WASF3: variants seen among roughly 807,000 people sequenced by gnomAD.
WASF3 encodes actin-binding protein WASF3.
Under a neutral mutation model 46.6 loss-of-function variants are expected in WASF3, and 11 were observed. The ratio of observed to expected loss-of-function variants is 0.24; its 90% CI spans 0.15 to 0.39. The LOEUF (loss-of-function observed/expected upper bound fraction) is 0.39, where lower values mean the gene tolerates loss of function less well. WASF3 is among the 10% of genes least tolerant of loss of function. The probability of loss-of-function intolerance (pLI) is 1.00; values close to 1 mark genes in which losing one functional copy is unlikely to be tolerated. For synonymous variants in WASF3, 242 were observed against 259.7 expected, an observed-to-expected ratio of 0.93 and a Z score of 0.65; for missense variants, 576 against 669.8, an observed-to-expected ratio of 0.86 and a Z score of 1.55.
At chr13:26,675,787 T>G (rs1417550130) in intron 6 of WASF3, among the ~76,000 whole-genome samples, 1 of 152,070 alleles carries the variant, frequency 6.6e-6, no homozygotes, top group Non-Finnish European at 1.5e-5. Context: ...TGAGTGTGTA[T>G]TCTGTGTAAA....
rs552144232 is a variant in WASF3 at position 26,578,259 on chromosome 13, T to C, written c.-109+20440T>C. Among the ~76,000 whole-genome samples the C allele has an allele frequency of 2.0e-5, 3 of 152,180 alleles. No homozygotes were observed. The South Asian group carries it at 6.2e-4, about 32-fold the overall frequency. On this transcript the variant is annotated intron_variant, in intron 1 of 9. Transcript: ENST00000335327. ...AGTCCTTCAACATTAAGTGTGATTT[T>C]AGTTGTTTTCTTGTAGACGACTTAC... is the stretch of plus-strand genomic sequence containing the variant.
At chr13:26,604,831 T>G (rs1566048256) in intron 1 of WASF3, among the ~76,000 whole-genome samples, 1 of 152,188 alleles carries the variant, frequency 6.6e-6, no homozygotes, top group Admixed American at 6.5e-5. Flanking sequence ...AGCCACTGTT[T>G]TTGTAATCTT....
At chr13:26,554,045 TTCCTTCC>T (rs1566032364), upstream of WASF3, among the ~76,000 whole-genome samples, 98 of 49,378 alleles carry the variant, frequency 2.0e-3, 3 homozygotes, top group African/African-American at 5.9e-3. Flanking sequence ...CTTTCTTTCC[TTCCTTCC>T]TTCCTTCCTT....
In WASF3 at chr13:26,583,076, T is replaced by C. The variant is rs1477983223; in HGVS notation, c.-109+25257T>C. Among the ~76,000 whole-genome samples, 3 of 152,346 alleles carry C rather than the reference T, an allele frequency of 2.0e-5. No homozygotes were observed. In the South Asian group the frequency reaches 6.2e-4, roughly 32 times the overall value. On this transcript the variant is annotated intron_variant, in intron 1 of 9. Transcript: ENST00000335327. ...GAAGCCTAGGGTCTTAGTGGAAAGA[T>C]AGCAATAGCCATGGTAAAGCAGTTT...
chr13:26,557,427 C>T (rs1174117753), upstream of WASF3, among the ~76,000 whole-genome samples: 1 of 152,218 alleles, frequency 6.6e-6, no homozygotes, highest in African/African-American at 2.4e-5. Flanking sequence ...ATCCCCACCT[C>T]TCCTCGCTGG....
At chr13:26,591,002 AAGG>A (rs1287632223) in intron 1 of WASF3, among the ~76,000 whole-genome samples, 6 of 152,070 alleles carry the variant, frequency 3.9e-5, no homozygotes, top group African/African-American at 1.4e-4. Context: ...CAGAGATTTG[AAGG>A]AGGTGTGAGG....
At chr13:26,552,909 T>C (rs187334992), upstream of WASF3, among the ~76,000 whole-genome samples, 1 of 152,336 alleles carries the variant, frequency 6.6e-6, no homozygotes, top group Admixed American at 6.5e-5. Flanking sequence ...ATTTATTAAG[T>C]GTCTTGAGAA....
At chr13:26,577,297 G>C (rs1184885294) in intron 1 of WASF3, 1 of 746,824 alleles carries the variant, frequency 1.3e-6, no homozygotes, top group African/African-American at 1.7e-5. Context: ...TGTCTGTTCT[G>C]TGTTGGTTTT....
At chr13:26,545,051 G>T in the WASF3 span, among the ~76,000 whole-genome samples, 2 of 152,216 alleles carry the variant, frequency 1.3e-5, no homozygotes, top group Non-Finnish European at 2.9e-5. Context: ...CATGCTGAAG[G>T]CACTGGGCAT....
Position 26,665,093 on chromosome 13 carries a change from A to G in WASF3, c.199A>G (p.Asn67Asp). 1 of 1,614,178 alleles carries G rather than the reference A, an allele frequency of 6.2e-7. No homozygotes were observed. Among genetic ancestry groups the G allele is most frequent in the Non-Finnish European group, 8.5e-7 (1 of 1,180,014 alleles). Residue 67 changes from asparagine to aspartate, a missense_variant, in exon 4 of 10, where the codon AAT becomes GAT. Around this residue, in one of 3 missense-constraint regions of WASF3, gnomAD observed 213 missense variants for 278.0 expected, o/e 0.77. Coordinates refer to ENST00000335327, the MANE Select transcript of WASF3 (RefSeq NM_006646.6). Reference protein sequence around the residue: ...NEANNFYIRANSLQDRIDRLA... With the variant: ...NEANNFYIRADSLQDRIDRLA... ...GGCTAACAACTTCTACATCAGAGCA[A>G]ATTCTCTTCAAGACAGAATTGATCG...
chr13:26,677,150 T>C (rs1352033526), intron 7 of WASF3, among the ~76,000 whole-genome samples: 1 of 152,248 alleles, frequency 6.6e-6, no homozygotes, highest in African/African-American at 2.4e-5. Context: ...TCATTGTTCC[T>C]TTAGTAACCC....
At chr13:26,608,635 A>G (rs1400935515) in intron 1 of WASF3, among the ~76,000 whole-genome samples, 1 of 152,204 alleles carries the variant, frequency 6.6e-6, no homozygotes, top group Admixed American at 6.5e-5. Flanking sequence ...TGGTGGGGCC[A>G]GCTAAAATGT....
At chr13:26,670,084 T>G (rs1382614045) in intron 5 of WASF3, among the ~76,000 whole-genome samples, 2 of 152,156 alleles carry the variant, frequency 1.3e-5, no homozygotes, top group African/African-American at 4.8e-5. Context: ...CTATTCGCAA[T>G]AGCAAATACT....
At chr13:26,672,286 C>G (rs868460146) in intron 6 of WASF3, among the ~76,000 whole-genome samples, 21 of 152,290 alleles carry the variant, frequency 1.4e-4, no homozygotes, top group Middle Eastern at 6.8e-3. Context: ...GTAAAGCAGT[C>G]AGTATTCCAT....
intron 2 of WASF3, among the ~76,000 whole-genome samples, chr13:26,621,823 G>A (rs1254591253): frequency 6.6e-6 from 1 of 152,120 alleles, no homozygotes; most frequent in African/African-American, 2.4e-5. Context: ...GGAATGTTAT[G>A]TTAGTGAGTA....
At chr13:26,562,535 C>G (rs905860250) in intron 1 of WASF3, among the ~76,000 whole-genome samples, 2 of 151,778 alleles carry the variant, frequency 1.3e-5, no homozygotes, top group Non-Finnish European at 2.9e-5. Flanking sequence ...AAAGGGGGAA[C>G]CCTTTGGTTT....
chr13:26,667,242 G>A (rs1291734468), intron 4 of WASF3, among the ~76,000 whole-genome samples: 1 of 151,952 alleles, frequency 6.6e-6, no homozygotes, highest in Non-Finnish European at 1.5e-5. Context: ...TCTGAGAAAT[G>A]CTATTTAAAT....
the WASF3 span, among the ~76,000 whole-genome samples, chr13:26,540,216 T>C: frequency 6.6e-6 from 1 of 152,138 alleles, no homozygotes; most frequent in Non-Finnish European, 1.5e-5. Flanking sequence ...CTACTCCATC[T>C]CTGGTTTTAA....
intron 1 of WASF3, among the ~76,000 whole-genome samples, chr13:26,599,180 A>ATTT (rs1880569192): frequency 1.4e-4 from 7 of 51,486 alleles, no homozygotes; most frequent in Admixed American, 4.3e-4. Flanking sequence ...TCTTCTTTTC[A>ATTT]TTTCTTTTTT....
Sources: allele counts gnomAD v4.1 joint callset (sites outside exome capture counted in the v4.1 genomes callset), GRCh38; gene constraint gnomAD v4.1.1; regional missense constraint gnomAD v4.1.1; transcripts MANE v1.5; gene names NCBI Gene and HGNC (gene_info 2026-07-23, HGNC 2026-07-21).